SLC24A2: variants seen among roughly 807,000 people sequenced by gnomAD.
SLC24A2 encodes solute carrier family 24 member 2, also known as sodium/potassium/calcium exchanger 2.
A neutral mutation model predicts 62.0 loss-of-function variants in SLC24A2; 36 were observed. That is an observed-to-expected ratio of 0.58 (90% confidence interval 0.44 to 0.77). The LOEUF (loss-of-function observed/expected upper bound fraction) is 0.77. SLC24A2 is among the 30% of genes least tolerant of loss of function. The pLI is 0.00. For synonymous variants in SLC24A2, 358 were observed against 294.0 expected, an observed-to-expected ratio of 1.22 and a Z score of -2.23; for missense variants, 846 against 817.9, an observed-to-expected ratio of 1.03 and a Z score of -0.42.
Position 19,542,619 on chromosome 9 carries a change from A to G in SLC24A2, c.1479+7518T>C, listed in dbSNP as rs182523516. Among the ~76,000 whole-genome samples, 262 of 152,286 alleles carry G rather than the reference A, an allele frequency of 1.7e-3. 2 individuals carry two copies. Among genetic ancestry groups the G allele is most frequent in the African/African-American group, 6.1e-3 (253 of 41,524 alleles). On this transcript the variant is annotated intron_variant, in intron 8 of 10. Transcript: ENST00000341998. The stretch of plus-strand genomic sequence containing the variant: ...ATTGAGATACGTTCAATCAGTGCCT[A>G]CTTTATTGAGAATTTTTTAGGATGA...
the SLC24A2 span, among the ~76,000 whole-genome samples, chr9:20,175,610 A>G: frequency 6.6e-6 from 1 of 151,994 alleles, no homozygotes; most frequent in Non-Finnish European, 1.5e-5. Context: ...AAAAACCGTC[A>G]AAGTGCTCTC....
the SLC24A2 span, among the ~76,000 whole-genome samples, chr9:20,293,345 G>A: frequency 6.6e-6 from 1 of 152,204 alleles, no homozygotes; most frequent in Admixed American, 6.5e-5. Flanking sequence ...TCATCTAAGA[G>A]ATTCCTTCCC....
the SLC24A2 span, among the ~76,000 whole-genome samples, chr9:20,206,063 C>A: frequency 3.9e-5 from 6 of 152,120 alleles, no homozygotes; most frequent in Non-Finnish European, 8.8e-5. Flanking sequence ...GTTAATAAAT[C>A]CATTCAGAGT....
chr9:20,219,645 G>A, the SLC24A2 span, among the ~76,000 whole-genome samples: 87 of 152,232 alleles, frequency 5.7e-4, no homozygotes, highest in African/African-American at 1.9e-3. Flanking sequence ...ATCAATGACC[G>A]TTGGCACAGG....
the SLC24A2 span, among the ~76,000 whole-genome samples, chr9:20,068,115 G>C: frequency 1.4e-5 from 2 of 141,780 alleles, no homozygotes; most frequent in Non-Finnish European, 3.0e-5. Flanking sequence ...CCAGGCTGGA[G>C]TGCAGTGGTG....
At chr9:19,547,377 C>T (rs1165741610) in intron 8 of SLC24A2, among the ~76,000 whole-genome samples, 1 of 152,194 alleles carries the variant, frequency 6.6e-6, no homozygotes, top group Non-Finnish European at 1.5e-5. Context: ...GGGGACAGCT[C>T]TGTTTTCTTG....
chr9:20,209,240 T>C, the SLC24A2 span, among the ~76,000 whole-genome samples: 1 of 152,230 alleles, frequency 6.6e-6, no homozygotes, highest in Non-Finnish European at 1.5e-5. Context: ...ACTGTTTTAT[T>C]CCCATATGTA....
chr9:20,070,605 A>C, the SLC24A2 span, among the ~76,000 whole-genome samples: 55 of 152,344 alleles, frequency 3.6e-4, no homozygotes, highest in African/African-American at 1.3e-3. Context: ...GCACAGAATA[A>C]CAGCAGAGGC....
chr9:20,236,070 T>A, the SLC24A2 span, among the ~76,000 whole-genome samples: 1 of 152,168 alleles, frequency 6.6e-6, no homozygotes, highest in South Asian at 2.1e-4. Context: ...TATAGAAGGT[T>A]TCATTAGAAC....
intron 2 of SLC24A2, among the ~76,000 whole-genome samples, chr9:19,722,116 T>C (rs965348146): frequency 3.3e-5 from 5 of 152,286 alleles, no homozygotes; most frequent in East Asian, 1.9e-4. Flanking sequence ...TCCATGGTCA[T>C]GCTCAAATCC....
chr9:19,971,994 G>A, the SLC24A2 span, among the ~76,000 whole-genome samples: 1 of 152,164 alleles, frequency 6.6e-6, no homozygotes, highest in Non-Finnish European at 1.5e-5. Context: ...CTAACAAGTA[G>A]AGCTAGATGG....
chr9:19,742,715 A>G (rs961115680), intron 2 of SLC24A2, among the ~76,000 whole-genome samples: 2 of 152,202 alleles, frequency 1.3e-5, no homozygotes, highest in African/African-American at 2.4e-5. Flanking sequence ...TGCCTTCTTC[A>G]GGAACAAGGC....
the SLC24A2 span, among the ~76,000 whole-genome samples, chr9:20,034,785 G>A: frequency 1.3e-5 from 2 of 152,090 alleles, no homozygotes; most frequent in Non-Finnish European, 1.5e-5. Flanking sequence ...TAAGATTTAA[G>A]AACCAGTAGA....
At chr9:19,696,864 C>A (rs575936372) in intron 2 of SLC24A2, among the ~76,000 whole-genome samples, 1 of 151,874 alleles carries the variant, frequency 6.6e-6, no homozygotes. Flanking sequence ...TAAATTTAAC[C>A]GTAATGGCAT....
At chr9:20,170,086 A>G in the SLC24A2 span, among the ~76,000 whole-genome samples, 1 of 151,948 alleles carries the variant, frequency 6.6e-6, no homozygotes, top group Non-Finnish European at 1.5e-5. Context: ...AAAGAACTTC[A>G]GAGCTCAAAG....
the SLC24A2 span, among the ~76,000 whole-genome samples, chr9:20,197,415 TTC>T: frequency 2.0e-5 from 3 of 148,454 alleles, no homozygotes; most frequent in Non-Finnish European, 4.4e-5. Flanking sequence ...ATGATGTATT[TTC>T]TCTCTCTCTC....
At chr9:20,212,711 T>A in the SLC24A2 span, among the ~76,000 whole-genome samples, 1 of 151,624 alleles carries the variant, frequency 6.6e-6, no homozygotes, top group Non-Finnish European at 1.5e-5. Context: ...TATAGATGTA[T>A]CTCTGAAACA....
chr9:20,030,827 G>C, the SLC24A2 span, among the ~76,000 whole-genome samples: 1 of 152,150 alleles, frequency 6.6e-6, no homozygotes, highest in Non-Finnish European at 1.5e-5. Flanking sequence ...CCAGGAGAGT[G>C]GAGAGAGATG....
At chr9:19,634,281 C>CTTTTTTTTT (rs35884916) in intron 2 of SLC24A2, among the ~76,000 whole-genome samples, 1 of 79,296 alleles carries the variant, frequency 1.3e-5, no homozygotes, top group Admixed American at 1.7e-4. Flanking sequence ...ACTGCAGCCT[C>CTTTTTTTTT]TTTTTTTTTT....
Sources: allele counts gnomAD v4.1 joint callset (sites outside exome capture counted in the v4.1 genomes callset), GRCh38; gene constraint gnomAD v4.1.1; transcripts MANE v1.5; gene names NCBI Gene and HGNC (gene_info 2026-07-23, HGNC 2026-07-21).